ATP13A2: variants seen among roughly 807,000 people sequenced by gnomAD.
ATP13A2 encodes the protein polyamine-transporting ATPase 13A2.
In ATP13A2, 83 loss-of-function variants were observed where a neutral mutation model predicts 138.3. That is an observed-to-expected ratio of 0.60 (90% CI 0.50 to 0.72). The LOEUF is 0.72. Ranked by LOEUF, ATP13A2 falls within the 30% of genes least tolerant of loss-of-function variation. The probability of loss-of-function intolerance (pLI) is 0.00; values close to 1 mark genes in which losing one functional copy is unlikely to be tolerated. For missense variants in ATP13A2, 1,402 were observed against 1,606.4 expected (o/e 0.87, Z 2.17); for synonymous variants, 663 against 699.0 (o/e 0.95, Z 0.81).
At chr1:17,002,437 G>A in intron 6 of ATP13A2, 64 bp from the exon 7 acceptor site, 1 of 1,559,918 alleles carries the variant, frequency 6.4e-7, no homozygotes, top group Non-Finnish European at 8.7e-7. Flanking sequence ...CCCCCACCCT[G>A]TGCAGGCTGG....
intron 25 of ATP13A2, 41 bp from the exon 26 acceptor site, chr1:16,987,310 G>A: frequency 1.3e-6 from 2 of 1,589,620 alleles, no homozygotes; most frequent in Admixed American, 1.7e-5. Flanking sequence ...ACTAAGACCT[G>A]GCCCTGGCAG....
At chr1:16,991,029 A>C (rs1267319178) in intron 20 of ATP13A2, among the ~76,000 whole-genome samples, 2 of 151,076 alleles carry the variant, frequency 1.3e-5, no homozygotes, top group Admixed American at 1.3e-4. Context: ...AGCTCACTGC[A>C]ACCTCCACCT....
In ATP13A2 at chr1:17,005,406, C is replaced by T. The variant is rs1557715739; in HGVS notation, c.256G>A (p.Glu86Lys). 9 of 1,610,398 alleles carry T rather than the reference C, an allele frequency of 5.6e-6. No homozygotes were observed. Among genetic ancestry groups the T allele is most frequent in the African/African-American group, 1.3e-5 (1 of 75,048 alleles). ...RLRPCNLAHA[E>K]TLVIEIRDKE... ...TCTCTTATTTCGATAACGAGTGTTT[C>T]GGCGTGGGCCAGGTTGCAGGGCCGG... The change falls in exon 3 of 29, where the codon GAA (glutamate) becomes AAA (lysine). Residue 86 changes from glutamate to lysine, a missense_variant. Physicochemically the swap from Glu to Lys is moderately conservative, Grantham distance 56. Transcript: ENST00000326735.
At chr1:17,007,268 G>T (rs2077592942) in intron 1 of ATP13A2, among the ~76,000 whole-genome samples, 1 of 152,140 alleles carries the variant, frequency 6.6e-6, no homozygotes, top group Admixed American at 6.5e-5. Flanking sequence ...CTCCAGAGCG[G>T]GTAGAGCTCA....
intron 20 of ATP13A2, among the ~76,000 whole-genome samples, chr1:16,991,374 C>G (rs531190907): frequency 6.6e-6 from 1 of 152,034 alleles, no homozygotes. Flanking sequence ...CATGAAGTAC[C>G]GTGCCCGGCC....
At chr1:17,007,873 A>G (rs1240074783) in intron 1 of ATP13A2, among the ~76,000 whole-genome samples, 1 of 149,578 alleles carries the variant, frequency 6.7e-6, no homozygotes, top group Non-Finnish European at 1.5e-5. Context: ...ATTTCTACCC[A>G]AAGAGTCCAG....
In ATP13A2 at chr1:17,011,670, G is replaced by T. The variant is rs1446973142; in HGVS notation, c.10+59C>A. ...CTCCCCTCTCCCTCCAAGGGGTGAC[G>T]ACAACTGGCGGGCCGGGGACCGCGC... On this transcript the variant is annotated intron_variant, in intron 1 of 28. Coordinates refer to ENST00000326735, the MANE Select transcript of ATP13A2 (RefSeq NM_022089.4). The surrounding 1 kb of genome is among the most constrained non-coding windows in gnomAD (Gnocchi z 7.3). The T allele has an allele frequency of 2.0e-6, 3 of 1,475,284 alleles. No homozygotes were observed. Among genetic ancestry groups the T allele is most frequent in the Admixed American group, 2.4e-5 (1 of 41,988 alleles). The allele number at this position is 1,475,284 out of a possible 1,614,324, so 91.4% of individuals were successfully genotyped here.
chr1:17,005,391 C>T lies in ATP13A2; in HGVS notation c.271G>A (p.Glu91Lys), dbSNP rs778193284. Residue 91 changes from glutamate to lysine, a missense_variant, in exon 3 of 29, where the codon GAA becomes AAA. Glu to Lys is a moderately conservative substitution (Grantham distance 56, BLOSUM62 1). Coordinates refer to ENST00000326735, the MANE Select transcript of ATP13A2 (RefSeq NM_022089.4). ...ACTCTCACCTCTTTGTCTCTTATTTCGATAACGAGTGTTTCGGCGTGGGCC... is the reference window on the plus strand; with the variant it reads ...ACTCTCACCTCTTTGTCTCTTATTTTGATAACGAGTGTTTCGGCGTGGGCC... ...NLAHAETLVI[E>K]IRDKEDSSWQ... 14 of 1,605,476 alleles carry T rather than the reference C, an allele frequency of 8.7e-6. No homozygotes were observed. The highest frequency in any genetic ancestry group is 4.5e-5 in the East Asian group (2 of 44,692).
rs2077793315 is a variant in ATP13A2, at chr1:17,011,577, G to A, written c.10+152C>T. On this transcript the variant is annotated intron_variant, in intron 1 of 28. Transcript: ENST00000326735. The surrounding 1 kb of genome is among the most constrained non-coding windows in gnomAD (Gnocchi z 7.3). ...GGGCCGAGTCCCCGTCAAAAGGGAG[G>A]GGACGGGCCAGGATCCCCAACCAGG... 2.1e-6 allele frequency: 2 copies of A among 961,486 alleles called. No homozygotes were observed. 59.6% of individuals were successfully genotyped at this position (961,486 alleles called of 1,614,324 possible).
chr1:17,004,914 A>G lies in ATP13A2; in HGVS notation c.348-93T>C. 3.7e-6 allele frequency: 6 copies of G among 1,612,094 alleles called. No homozygotes were observed. The highest frequency in any genetic ancestry group is 5.1e-6 in the Non-Finnish European group (6 of 1,179,460). On this transcript the variant is annotated intron_variant, in intron 4 of 28. Coordinates refer to ENST00000326735, the MANE Select transcript of ATP13A2 (RefSeq NM_022089.4). This position sits in a 1 kb window ranked among gnomAD's most constrained non-coding sequence, Gnocchi z 4.1. ...AGCCATCTTCCCTCCCTAGGATGGG[A>G]GGCGCCAGAGTCAGCCTTTATGGGG... is the stretch of plus-strand genomic sequence containing the variant.
At position 16,989,719 on chromosome 1, in the gene ATP13A2, C is replaced by T. The variant is rs753813388; in HGVS notation, c.2581G>A (p.Glu861Lys). ...AGCTTCTGTAGCTCGCACACCAGCT[C>T]TGTCTTCTGCTCAGGGGCCATGCGG... ...FARMAPEQKT[E>K]LVCELQKLQY... The change falls in exon 23 of 29, where the codon GAG (glutamate) becomes AAG (lysine). Residue 861 changes from glutamate (E) to lysine (K), a missense_variant. Coordinates refer to ENST00000326735, the MANE Select transcript of ATP13A2 (RefSeq NM_022089.4). 1 of 1,614,128 alleles carries T rather than the reference C, an allele frequency of 6.2e-7. No individual in the cohort carries two copies. The highest frequency in any genetic ancestry group is 8.5e-7 in the Non-Finnish European group (1 of 1,180,038).
In ATP13A2 at chr1:17,011,787, T is replaced by C. The variant is rs1394231235; in HGVS notation, c.-49A>G. ...GGCCCCGGCGCTGCGGCCCTCGGCC[T>C]GGGCCCCGGCGTGCGCAAGGCCCTG... is the stretch of plus-strand genomic sequence containing the variant. On this transcript the variant is annotated 5_prime_UTR_variant, in exon 1 of 29. Coordinates refer to ENST00000326735, the MANE Select transcript of ATP13A2 (RefSeq NM_022089.4). The surrounding 1 kb of genome is among the most constrained non-coding windows in gnomAD (Gnocchi z 7.3). 7.3e-7 allele frequency: 1 copy of C among 1,369,968 alleles called. No individual in the cohort carries two copies. Among genetic ancestry groups the C allele is most frequent in the Non-Finnish European group, 9.4e-7 (1 of 1,059,790 alleles). The allele number at this position is 1,369,968 out of a possible 1,614,324, so 84.9% of individuals were successfully genotyped here. A position where few individuals can be genotyped will look rare whatever the true frequency, so the allele number is the denominator to read the frequency against.
chr1:16,999,377 T>C (rs1306614842), intron 11 of ATP13A2, among the ~76,000 whole-genome samples: 1 of 59,646 alleles, frequency 1.7e-5, no homozygotes, highest in Non-Finnish European at 2.8e-5. Flanking sequence ...TGAAACTCCA[T>C]CTCAAAAAAA....
chr1:17,005,168 A>G, intron 3 of ATP13A2, 96 bp from the exon 4 acceptor site: 1 of 1,561,440 alleles, frequency 6.4e-7, no homozygotes, highest in South Asian at 1.1e-5. Context: ...GAAGGCAGAA[A>G]TCAAGGCTAT....
At chr1:17,007,854 C>A (rs1212530824) in intron 1 of ATP13A2, among the ~76,000 whole-genome samples, 1 of 148,046 alleles carries the variant, frequency 6.8e-6, no homozygotes, top group Non-Finnish European at 1.5e-5. Flanking sequence ...CCCGGCGAGC[C>A]CTTCTAAAAT....
In ATP13A2 at chr1:16,995,588, C is replaced by T; in HGVS notation, c.1542+388G>A. On this transcript the variant is annotated intron_variant, in intron 15 of 28. Transcript: ENST00000326735. The surrounding 1 kb of genome is among the most constrained non-coding windows in gnomAD (Gnocchi z 4.1). ...TCAGCCTCCCGAGTAGCTGGGATTA[C>T]AAGCATGTGCCATCATGCCTGGCTA... The T allele has an allele frequency of 2.9e-6, 1 of 346,192 alleles. No individual in the cohort carries two copies. The highest frequency in any genetic ancestry group is 2.3e-5 in the South Asian group (1 of 44,412). The allele number at this position is 346,192 out of a possible 1,614,324, so 21.4% of individuals were successfully genotyped here.
At chr1:16,994,083 C>A (rs1212164255) in intron 15 of ATP13A2, among the ~76,000 whole-genome samples, 1 of 152,124 alleles carries the variant, frequency 6.6e-6, no homozygotes, top group African/African-American at 2.4e-5. Context: ...CTCCTTAACT[C>A]CCAAGTTAGG....
chr1:17,011,712 C>T lies in ATP13A2; in HGVS notation c.10+17G>A, dbSNP rs763425094. On this transcript the variant is annotated intron_variant, in intron 1 of 28. Coordinates refer to ENST00000326735, the MANE Select transcript of ATP13A2 (RefSeq NM_022089.4). This position sits in a 1 kb window ranked among gnomAD's most constrained non-coding sequence, Gnocchi z 7.3. ...GGACCGCGCCGGGCTCGGGGCCGACCCGGACTCCGCACTCACCTGCGCTCA... is the reference window on the plus strand; with the variant it reads ...GGACCGCGCCGGGCTCGGGGCCGACTCGGACTCCGCACTCACCTGCGCTCA... 6.7e-7 allele frequency: 1 copy of T among 1,487,572 alleles called. No individual in the cohort carries two copies. Among genetic ancestry groups the T allele is most frequent in the Non-Finnish European group, 8.9e-7 (1 of 1,125,486 alleles). 92.1% of individuals were successfully genotyped at this position (1,487,572 alleles called of 1,614,324 possible).
chr1:17,006,285 C>T (rs1469883584), intron 1 of ATP13A2, among the ~76,000 whole-genome samples: 2 of 144,972 alleles, frequency 1.4e-5, no homozygotes, highest in African/African-American at 5.2e-5. Flanking sequence ...GAGTGTCACT[C>T]TGTCACCCAG....
Sources: gnomAD v4.1 joint callset for allele counts (sites outside exome capture counted in the v4.1 genomes callset) on GRCh38, gnomAD v4.1.1 for gene constraint, Gnocchi (gnomAD v3.1) non-coding constraint, MANE v1.5 for transcripts, NCBI Gene and HGNC (gene_info 2026-07-23, HGNC 2026-07-21) for gene names.